DCC: variants seen among roughly 807,000 people sequenced by gnomAD.
DCC encodes the protein DCC netrin 1 receptor, also known as netrin receptor DCC.
In DCC, 58 loss-of-function variants were observed where a neutral mutation model predicts 172.5. The observed-to-expected ratio is 0.34, with a 90% CI of 0.27 to 0.42. DCC has a LOEUF of 0.42. DCC is among the 10% of genes least tolerant of loss of function. The pLI, the probability that DCC is intolerant of heterozygous loss-of-function variation, is 1.00. For missense variants in DCC, 1,740 were observed against 1,791.0 expected (o/e 0.97, Z 0.51); for synonymous variants, 709 against 644.5 (o/e 1.10, Z -1.52).
intron 2 of DCC, among the ~76,000 whole-genome samples, chr18:52,782,733 AC>A (rs1301923913): frequency 2.0e-5 from 3 of 151,578 alleles, no homozygotes; most frequent in African/African-American, 7.3e-5. Context: ...CTTTATTCCA[AC>A]CTCTCTTGTT....
chr18:52,617,312 C>T (rs1022800690), intron 1 of DCC, among the ~76,000 whole-genome samples: 1 of 152,104 alleles, frequency 6.6e-6, no homozygotes. Context: ...TGAGGGCACT[C>T]ACTCTTGAGA....
In DCC at chr18:53,175,740, T is replaced by A. The variant is rs2055082539; in HGVS notation, c.1419-3222T>A. On this transcript the variant is annotated intron_variant, in intron 8 of 28. Transcript: ENST00000442544. ...GTAGGAGGAATCAATATCGTGAAAA[T>A]GGCCATACTGCCCAAGGTAATTTAC... 1.3e-5 allele frequency among the ~76,000 whole-genome samples: 2 copies of A among 151,990 alleles called. 1 individual carries two copies. The highest frequency in any genetic ancestry group is 4.2e-4 in the South Asian group (2 of 4,818).
intron 1 of DCC, among the ~76,000 whole-genome samples, chr18:52,508,151 T>C (rs1212554217): frequency 2.0e-5 from 3 of 152,084 alleles, no homozygotes; most frequent in Non-Finnish European, 4.4e-5. Context: ...GGGACCAGTA[T>C]TTATAAATGA....
intron 12 of DCC, among the ~76,000 whole-genome samples, chr18:53,234,662 A>T (rs1365603055): frequency 1.3e-5 from 2 of 152,304 alleles, no homozygotes; most frequent in East Asian, 1.9e-4. Context: ...ATATAGGCAC[A>T]TCCAAATCCC....
intron 1 of DCC, among the ~76,000 whole-genome samples, chr18:52,690,215 G>A (rs182936993): frequency 6.6e-6 from 1 of 152,138 alleles, no homozygotes; most frequent in Non-Finnish European, 1.5e-5. Flanking sequence ...CAACACATCT[G>A]ACTGGAAGGC....
intron 8 of DCC, among the ~76,000 whole-genome samples, chr18:53,161,258 G>C (rs2054834774): frequency 6.6e-6 from 1 of 152,128 alleles, no homozygotes; most frequent in African/African-American, 2.4e-5. Flanking sequence ...ACCTCCTGTT[G>C]CTAACCCAGT....
intron 1 of DCC, chr18:52,409,160 G>A (rs1210398801): frequency 6.6e-6 from 1 of 152,110 alleles, no homozygotes; most frequent in Non-Finnish European, 1.5e-5. Flanking sequence ...GGACTGTTGG[G>A]ATGTATCATG....
chr18:52,755,708 T>C (rs949978084), intron 2 of DCC, among the ~76,000 whole-genome samples: 18 of 152,304 alleles, frequency 1.2e-4, no homozygotes, highest in Admixed American at 2.6e-4. Context: ...ACAGTAGGCT[T>C]TGCTTGGGTA....
At position 53,023,553 on chromosome 18, in the gene DCC, C is replaced by A. The variant is rs2143930938; in HGVS notation, c.986-39752C>A. On this transcript the variant is annotated intron_variant, in intron 5 of 28. Transcript: ENST00000442544. The stretch of plus-strand genomic sequence containing the variant: ...GCAATTTACCCATTTTACAAACCTG[C>A]ACATGGACCCCCTGAACCTAAAATA... 1.3e-5 allele frequency among the ~76,000 whole-genome samples: 2 copies of A among 151,984 alleles called. 1 individual carries two copies. Among genetic ancestry groups the A allele is most frequent in the South Asian group, 4.2e-4 (2 of 4,816 alleles).
intron 2 of DCC, among the ~76,000 whole-genome samples, chr18:52,840,698 A>G (rs924243352): frequency 1.3e-5 from 2 of 152,216 alleles, no homozygotes; most frequent in Admixed American, 1.3e-4. Context: ...AAATCTGGCT[A>G]TCTGGCTATC....
rs1222949 is a variant in DCC at position 52,421,741 on chromosome 18, T to G, written c.91+80863T>G. Among the ~76,000 whole-genome samples, 176 of 152,336 alleles carry G rather than the reference T, an allele frequency of 1.2e-3. 2 individuals carry two copies. The highest frequency in any genetic ancestry group is 4.1e-3 in the African/African-American group (170 of 41,586). ...CCCCAGGTTGGTGGTCTCTTGTATT[T>G]GCCAAGAACCAGAGAGAGAGACCAA... On this transcript the variant is annotated intron_variant, in intron 1 of 28. Transcript: ENST00000442544.
At chr18:53,266,192 A>C (rs1478352927) in intron 12 of DCC, among the ~76,000 whole-genome samples, 1 of 151,962 alleles carries the variant, frequency 6.6e-6, no homozygotes, top group East Asian at 1.9e-4. Context: ...CTGATTTCTC[A>C]TTATCTTGTT....
At chr18:52,669,986 T>A (rs530280882) in intron 1 of DCC, among the ~76,000 whole-genome samples, 4 of 152,112 alleles carry the variant, frequency 2.6e-5, no homozygotes, top group Non-Finnish European at 5.9e-5. Flanking sequence ...AAATGAGATG[T>A]AGGACTGCCT....
intron 15 of DCC, among the ~76,000 whole-genome samples, chr18:53,344,099 TTATC>T (rs1240777384): frequency 3.3e-5 from 5 of 152,032 alleles, no homozygotes; most frequent in Non-Finnish European, 5.9e-5. Context: ...AACTTTTCTA[TTATC>T]TATCTATTTT....
intron 11 of DCC, among the ~76,000 whole-genome samples, chr18:53,214,871 C>A (rs2055822031): frequency 6.6e-6 from 1 of 152,048 alleles, no homozygotes; most frequent in Non-Finnish European, 1.5e-5. Context: ...TGTATATGTT[C>A]TTCCTTCTAT....
In DCC at chr18:53,023,409, A is replaced by C. The variant is rs1370727807; in HGVS notation, c.986-39896A>C. Among the ~76,000 whole-genome samples the C allele has an allele frequency of 5.7e-3, 150 of 26,192 alleles. 2 individuals carry two copies. The highest frequency in any genetic ancestry group is 0.025 in the Middle Eastern group (1 of 40). The allele number at this position is 26,192 out of a possible 152,430, so 17.2% of individuals were successfully genotyped here. A position where few individuals can be genotyped will look rare whatever the true frequency, so the allele number is the denominator to read the frequency against. On this transcript the variant is annotated intron_variant, in intron 5 of 28. Transcript: ENST00000442544. ...ACATATATAACTCAGACCAAAAAAAAAAAAAAAAAAAAAAAAAAAAGATTC... is the reference window on the plus strand; with the variant it reads ...ACATATATAACTCAGACCAAAAAAACAAAAAAAAAAAAAAAAAAAAGATTC...
chr18:53,168,148 C>T (rs9966662), intron 8 of DCC, among the ~76,000 whole-genome samples: 8,753 of 152,140 alleles, frequency 0.058, 341 homozygotes, highest in East Asian at 0.11. Flanking sequence ...TTGTGGAAGA[C>T]GGTGTAGCGA....
chr18:52,877,108 C>G (rs1171381671), intron 2 of DCC, among the ~76,000 whole-genome samples: 1 of 152,174 alleles, frequency 6.6e-6, no homozygotes, highest in Non-Finnish European at 1.5e-5. Context: ...TAATCGTACC[C>G]TGGAAACAAA....
intron 5 of DCC, among the ~76,000 whole-genome samples, chr18:52,982,978 T>A (rs1396082908): frequency 2.0e-5 from 3 of 152,200 alleles, no homozygotes; most frequent in Non-Finnish European, 4.4e-5. Flanking sequence ...ATCATCAGTA[T>A]CTCCTGGTTT....
Sources: gnomAD v4.1 joint callset for allele counts (sites outside exome capture counted in the v4.1 genomes callset) on GRCh38, gnomAD v4.1.1 for gene constraint, MANE v1.5 for transcripts, NCBI Gene and HGNC (gene_info 2026-07-23, HGNC 2026-07-21) for gene names.